ROBO2: variants seen among roughly 807,000 people sequenced by gnomAD.
ROBO2 encodes roundabout homolog 2.
A neutral mutation model predicts 160.8 loss-of-function variants in ROBO2; 53 were observed. The observed-to-expected ratio is 0.33, with a 90% confidence interval of 0.26 to 0.41. The LOEUF is 0.41. Among genes scored for constraint, ROBO2 ranks in the 10% least tolerant of loss-of-function variants. The pLI, the probability that ROBO2 is intolerant of heterozygous loss-of-function variation, is 1.00. For synonymous variants in ROBO2, 664 were observed against 611.7 expected (o/e 1.09, Z -1.26); for missense variants, 1,577 against 1,722.4 (o/e 0.92, Z 1.49).
chr3:77,515,262 C>T (rs889234525), intron 5 of ROBO2, among the ~76,000 whole-genome samples: 1 of 151,492 alleles, frequency 6.6e-6, no homozygotes, highest in Non-Finnish European at 1.5e-5. Context: ...TTAGCGACTG[C>T]CATAGTGGGT....
rs909040736 is a variant in ROBO2, at chr3:76,485,738, C to A, written c.109+548136C>A. Reference sequence around the variant, plus strand: ...AAACTGTCTAGAACCAGATTACATACAAAATTTTGCTTTTTATAATTTAAA... The same window carrying A: ...AAACTGTCTAGAACCAGATTACATAAAAAATTTTGCTTTTTATAATTTAAA... On this transcript the variant is annotated intron_variant, in intron 2 of 26. Coordinates refer to the ROBO2 transcript ENST00000487694. Among the ~76,000 whole-genome samples, 10 of 152,198 alleles carry A rather than the reference C, an allele frequency of 6.6e-5. 1 individual carries two copies. Among genetic ancestry groups the A allele is most frequent in the Middle Eastern group, 3.4e-3 (1 of 294 alleles).
At chr3:77,250,743 A>G (rs1409069867) in intron 2 of ROBO2, among the ~76,000 whole-genome samples, 2 of 152,176 alleles carry the variant, frequency 1.3e-5, no homozygotes, top group African/African-American at 4.8e-5. Flanking sequence ...TTCCCTGGCA[A>G]AAAGGTGGGA....
At chr3:76,131,577 T>A (rs114447253) in intron 2 of ROBO2, among the ~76,000 whole-genome samples, 1 of 152,078 alleles carries the variant, frequency 6.6e-6, no homozygotes, top group Admixed American at 6.6e-5. Flanking sequence ...GGTTTTTTCC[T>A]TGGGCAGGAA....
At chr3:76,442,358 C>T (rs1190037326) in intron 2 of ROBO2, among the ~76,000 whole-genome samples, 2 of 152,148 alleles carry the variant, frequency 1.3e-5, no homozygotes, top group African/African-American at 4.8e-5. Flanking sequence ...GTAAATCTCT[C>T]CAGAGACTTC....
At chr3:76,085,956 T>G (rs7609860) in intron 2 of ROBO2, among the ~76,000 whole-genome samples, 102,460 of 151,988 alleles carry the variant, frequency 0.67, 35,720 homozygotes, top group African/African-American at 0.86. Flanking sequence ...AATACAAAAG[T>G]GCATCCCATT....
At chr3:76,414,460 T>G (rs1472277871) in intron 2 of ROBO2, among the ~76,000 whole-genome samples, 1 of 151,878 alleles carries the variant, frequency 6.6e-6, no homozygotes, top group African/African-American at 2.4e-5. Flanking sequence ...GTTCATGTCC[T>G]TTGTAGGGAC....
chr3:76,547,168 A>G (rs1166224857), intron 2 of ROBO2, among the ~76,000 whole-genome samples: 1 of 152,064 alleles, frequency 6.6e-6, no homozygotes, highest in African/African-American at 2.4e-5. Context: ...CTTAAAGTGC[A>G]TTAAAAATAA....
chr3:75,960,745 A>G (rs1230994426), intron 2 of ROBO2, among the ~76,000 whole-genome samples: 1 of 151,788 alleles, frequency 6.6e-6, no homozygotes, highest in East Asian at 1.9e-4. Flanking sequence ...TAAATTTACT[A>G]GTGGTGCAAT....
intron 2 of ROBO2, among the ~76,000 whole-genome samples, chr3:75,980,664 T>C (rs1324077029): frequency 6.6e-6 from 1 of 151,526 alleles, no homozygotes; most frequent in African/African-American, 2.4e-5. Context: ...AGTGATAATT[T>C]AGAAGACTCA....
chr3:76,503,992 A>T (rs2080628444), intron 2 of ROBO2, among the ~76,000 whole-genome samples: 1 of 152,212 alleles, frequency 6.6e-6, no homozygotes, highest in Non-Finnish European at 1.5e-5. Flanking sequence ...TTAAGCTCAG[A>T]TTTGCTCTTT....
At chr3:77,137,553 AT>A (rs2076377975) in intron 2 of ROBO2, among the ~76,000 whole-genome samples, 1 of 152,216 alleles carries the variant, frequency 6.6e-6, no homozygotes, top group African/African-American at 2.4e-5. Context: ...AGCACATTTA[AT>A]TTGTCTTTAA....
intron 2 of ROBO2, among the ~76,000 whole-genome samples, chr3:77,190,527 T>C (rs2081736165): frequency 6.6e-6 from 1 of 151,974 alleles, no homozygotes; most frequent in African/African-American, 2.4e-5. Context: ...AAAACCTGTA[T>C]AGTGTAACTT....
chr3:76,180,000 G>A (rs1018695032), intron 2 of ROBO2, among the ~76,000 whole-genome samples: 7 of 152,062 alleles, frequency 4.6e-5, no homozygotes, highest in South Asian at 4.2e-4. Context: ...TATTTCGTCC[G>A]TGCCATTGCT....
Position 76,757,355 on chromosome 3 carries a change from A to G in ROBO2, c.110-340659A>G, listed in dbSNP as rs146610952. On this transcript the variant is annotated intron_variant, in intron 2 of 26. Transcript: ENST00000487694. Reference sequence around the variant, plus strand: ...GTTGTACATCCAAAATAAAGAGAGGAACGCCTTAGCTGGAACAAAAAGAAG... The same window carrying G: ...GTTGTACATCCAAAATAAAGAGAGGGACGCCTTAGCTGGAACAAAAAGAAG... Among the ~76,000 whole-genome samples, 1,136 of 151,928 alleles carry G rather than the reference A, an allele frequency of 7.5e-3. 4 individuals are homozygous for G. Among genetic ancestry groups the G allele is most frequent in the Non-Finnish European group, 0.012 (808 of 67,868 alleles).
intron 2 of ROBO2, among the ~76,000 whole-genome samples, chr3:77,164,917 C>T (rs1163994450): frequency 9.3e-6 from 1 of 107,614 alleles, no homozygotes; most frequent in African/African-American, 3.1e-5. Context: ...CGGCCAGCCG[C>T]CCCGTCCGGG....
At chr3:76,495,856 A>G (rs112592418) in intron 2 of ROBO2, among the ~76,000 whole-genome samples, 3 of 152,210 alleles carry the variant, frequency 2.0e-5, no homozygotes, top group Non-Finnish European at 2.9e-5. Context: ...AGTGATGGAC[A>G]TTTCTTACTA....
intron 2 of ROBO2, among the ~76,000 whole-genome samples, chr3:77,342,803 T>C (rs1400264017): frequency 6.6e-6 from 1 of 152,196 alleles, no homozygotes; most frequent in Non-Finnish European, 1.5e-5. Flanking sequence ...TATACCTTTA[T>C]GTAATCCACA....
chr3:77,227,146 A>G (rs989840968), intron 2 of ROBO2, among the ~76,000 whole-genome samples: 2 of 151,906 alleles, frequency 1.3e-5, no homozygotes, highest in African/African-American at 4.8e-5. Context: ...TTTTTTTTGT[A>G]GTGCACAAAG....
chr3:77,155,086 G>A (rs1306404044), intron 2 of ROBO2, among the ~76,000 whole-genome samples: 1 of 150,558 alleles, frequency 6.6e-6, no homozygotes, highest in Non-Finnish European at 1.5e-5. Context: ...TAAATAAAAT[G>A]GATTGTTTTT....
Sources: allele counts gnomAD v4.1 joint callset (sites outside exome capture counted in the v4.1 genomes callset), GRCh38; gene constraint gnomAD v4.1.1; transcripts MANE v1.5; gene names NCBI Gene and HGNC (gene_info 2026-07-23, HGNC 2026-07-21).